NKAIN3: variants seen among roughly 807,000 people sequenced by gnomAD.
NKAIN3 encodes the protein sodium/potassium-transporting ATPase subunit beta-1-interacting protein 3.
A neutral mutation model predicts 30.2 loss-of-function variants in NKAIN3; 25 were observed. The ratio of observed to expected loss-of-function variants is 0.83; its 90% CI spans 0.60 to 1.16. The LOEUF (loss-of-function observed/expected upper bound fraction) is 1.16. Ranked by LOEUF, NKAIN3 falls within the 50% of genes most tolerant of loss-of-function variation. The probability of loss-of-function intolerance (pLI) is 0.00; values close to 1 mark genes in which losing one functional copy is unlikely to be tolerated. For missense variants in NKAIN3, 225 were observed against 254.1 expected (o/e 0.89, Z 0.78); for synonymous variants, 91 against 89.6 (o/e 1.02, Z -0.09).
intron 3 of NKAIN3, among the ~76,000 whole-genome samples, chr8:62,657,606 G>C (rs960785943): frequency 6.6e-6 from 1 of 152,150 alleles, no homozygotes. Flanking sequence ...TGTCAGAAAG[G>C]CTGGGTCTTT....
intron 4 of NKAIN3, among the ~76,000 whole-genome samples, chr8:62,769,800 C>G (rs1816958023): frequency 6.6e-6 from 1 of 152,168 alleles, no homozygotes; most frequent in African/African-American, 2.4e-5. Context: ...ATAGGTGATT[C>G]TTCTAAGCAG....
rs80275184 is a variant in NKAIN3, at chr8:62,614,221, C to T, written c.273+24427C>T. Among the ~76,000 whole-genome samples, 370 of 152,254 alleles carry T rather than the reference C, an allele frequency of 2.4e-3. 2 individuals are homozygous for T. The East Asian group carries it at 0.037, about 15-fold the overall frequency. The stretch of plus-strand genomic sequence containing the variant: ...GTATTGTGATCTGAGCTGATGGCAT[C>T]ACAAGCCCAGTAACTCTGTGTTTCT... On this transcript the variant is annotated intron_variant, in intron 3 of 6. Coordinates refer to ENST00000623646, the MANE Select transcript of NKAIN3 (RefSeq NM_001304533.3).
rs183017215 is a variant in NKAIN3, at chr8:62,420,125, A to T, written c.55-159414A>T. On this transcript the variant is annotated intron_variant, in intron 1 of 6. Coordinates refer to ENST00000623646, the MANE Select transcript of NKAIN3 (RefSeq NM_001304533.3). ...CAACATATCATCAATGAGCCAGGCC[A>T]GAGTTCTCTTTTCCCTATCATTTTG... Among the ~76,000 whole-genome samples, 3 of 152,284 alleles carry T rather than the reference A, an allele frequency of 2.0e-5. No homozygotes were observed. The East Asian group carries it at 5.8e-4, about 29-fold the overall frequency.
chr8:62,390,609 G>A (rs1348325294), intron 1 of NKAIN3, among the ~76,000 whole-genome samples: 2 of 152,112 alleles, frequency 1.3e-5, no homozygotes, highest in African/African-American at 4.8e-5. Flanking sequence ...AGGTCTTTGA[G>A]GCATCACTAC....
chr8:62,501,968 A>G (rs1459896003), intron 1 of NKAIN3, among the ~76,000 whole-genome samples: 3 of 152,184 alleles, frequency 2.0e-5, no homozygotes, highest in African/African-American at 7.2e-5. Flanking sequence ...ATTATGTTTA[A>G]GCAAAAAAAG....
chr8:62,741,854 ATTGTGCC>A (rs1815906306), intron 3 of NKAIN3, among the ~76,000 whole-genome samples: 2 of 152,216 alleles, frequency 1.3e-5, no homozygotes, highest in African/African-American at 4.8e-5. Flanking sequence ...TAAAGGTAAA[ATTGTGCC>A]TTCCCTACAA....
chr8:62,753,518 C>T (rs7836787), intron 4 of NKAIN3, among the ~76,000 whole-genome samples: 26,479 of 151,698 alleles, frequency 0.17, 2,479 homozygotes, highest in East Asian at 0.29. Context: ...ATTCAATGAA[C>T]AATATGAACA....
chr8:62,795,154 AC>A (rs1214139611), intron 4 of NKAIN3, among the ~76,000 whole-genome samples: 3 of 152,108 alleles, frequency 2.0e-5, no homozygotes, highest in African/African-American at 7.2e-5. Context: ...AATATGTTTG[AC>A]CTGGATTGCT....
At chr8:62,845,568 G>A (rs948310694) in intron 4 of NKAIN3, among the ~76,000 whole-genome samples, 1 of 151,962 alleles carries the variant, frequency 6.6e-6, no homozygotes, top group African/African-American at 2.4e-5. Context: ...AATAACTGAT[G>A]TAGCTTACAC....
At chr8:62,292,089 G>T (rs557047882) in intron 1 of NKAIN3, among the ~76,000 whole-genome samples, 1 of 151,786 alleles carries the variant, frequency 6.6e-6, no homozygotes, top group Admixed American at 6.6e-5. Flanking sequence ...CCATTTGCTT[G>T]GTAGATCTTC....
At chr8:62,420,866 A>G (rs902743548) in intron 1 of NKAIN3, among the ~76,000 whole-genome samples, 3 of 152,204 alleles carry the variant, frequency 2.0e-5, no homozygotes, top group African/African-American at 4.8e-5. Flanking sequence ...AAATTTTGCT[A>G]AAATATGGTT....
At chr8:62,677,676 C>T (rs1407543727) in intron 3 of NKAIN3, among the ~76,000 whole-genome samples, 3 of 152,146 alleles carry the variant, frequency 2.0e-5, no homozygotes, top group East Asian at 1.9e-4. Context: ...GTGAGGTAAG[C>T]GGCAGGCTCC....
intron 3 of NKAIN3, among the ~76,000 whole-genome samples, chr8:62,593,643 TAAAC>T (rs914543108): frequency 4.0e-5 from 6 of 151,824 alleles, no homozygotes; most frequent in African/African-American, 9.7e-5. Flanking sequence ...AGAAAAAAAT[TAAAC>T]AATCAAAAAT....
chr8:62,818,331 C>T (rs1425044109), intron 4 of NKAIN3, among the ~76,000 whole-genome samples: 7 of 152,088 alleles, frequency 4.6e-5, no homozygotes, highest in Admixed American at 6.6e-5. Flanking sequence ...AGTTTCAAAA[C>T]TAAGGTTATA....
At chr8:62,572,522 G>A (rs1367551513) in intron 1 of NKAIN3, among the ~76,000 whole-genome samples, 3 of 152,044 alleles carry the variant, frequency 2.0e-5, no homozygotes, top group South Asian at 2.1e-4. Flanking sequence ...CACTCTACTG[G>A]TACTAATTTA....
At chr8:62,528,324 AATATATATATTATATAATAT>A (rs999409592) in intron 1 of NKAIN3, among the ~76,000 whole-genome samples, 1 of 73,354 alleles carries the variant, frequency 1.4e-5, no homozygotes, top group African/African-American at 6.2e-5. Flanking sequence ...TATATTATAT[AATATATATATTATATAATAT>A]ATATATATAT....
At chr8:62,669,900 T>C (rs1472464861) in intron 3 of NKAIN3, among the ~76,000 whole-genome samples, 3 of 152,304 alleles carry the variant, frequency 2.0e-5, no homozygotes, top group African/African-American at 7.2e-5. Flanking sequence ...GGAGAGTCAC[T>C]TGATTTTTAA....
chr8:62,625,518 A>G (rs1221543655), intron 3 of NKAIN3, among the ~76,000 whole-genome samples: 1 of 152,116 alleles, frequency 6.6e-6, no homozygotes, highest in East Asian at 1.9e-4. Flanking sequence ...TGTCTCCACT[A>G]CTTACCAAGT....
chr8:62,340,548 A>T (rs1336349872), intron 1 of NKAIN3, among the ~76,000 whole-genome samples: 1 of 152,002 alleles, frequency 6.6e-6, no homozygotes, highest in Non-Finnish European at 1.5e-5. Flanking sequence ...CCCTTTCAGA[A>T]GTTCAAAGTC....
Sources: gnomAD v4.1 joint callset for allele counts (sites outside exome capture counted in the v4.1 genomes callset) on GRCh38, gnomAD v4.1.1 for gene constraint, MANE v1.5 for transcripts, NCBI Gene and HGNC (gene_info 2026-07-23, HGNC 2026-07-21) for gene names.